Variants in SLC52A3 observed in about 807,000 individuals in gnomAD.
The protein encoded by SLC52A3 is solute carrier family 52, riboflavin transporter, member 3.
SLC52A3 carries 20 observed loss-of-function variants against 29.5 expected under a neutral mutation model. The ratio of observed to expected loss-of-function variants is 0.68; its 90% CI spans 0.48 to 0.99. The LOEUF is 0.99. Among genes scored for constraint, SLC52A3 ranks in the 50% least tolerant of loss-of-function variants. The pLI, the probability that SLC52A3 is intolerant of heterozygous loss-of-function variation, is 0.00. For synonymous variants in SLC52A3, 301 were observed against 271.0 expected (o/e 1.11, Z -1.09); for missense variants, 548 against 612.9 (o/e 0.89, Z 1.12).
At chr20:761,412 G>C (rs1470537541) in intron 4 of SLC52A3, 174 bp from the exon 5 acceptor site, 2 of 813,930 alleles carry the variant, frequency 2.5e-6, no homozygotes, top group African/African-American at 3.5e-5. Context: ...CCGCCCGGGG[G>C]CGAAGGAGAA....
chr20:777,890 A>T (rs143541356), upstream of SLC52A3, among the ~76,000 whole-genome samples: 1 of 152,212 alleles, frequency 6.6e-6, no homozygotes, highest in Admixed American at 6.5e-5. Context: ...CTGCAGACAC[A>T]GGAGTAGCTC....
At chr20:774,834 C>T (rs538117967) in intron 1 of SLC52A3, among the ~76,000 whole-genome samples, 2 of 152,336 alleles carry the variant, frequency 1.3e-5, no homozygotes, top group African/African-American at 2.4e-5. Context: ...AGTGCTTCCC[C>T]GAACCCTGCC....
intron 4 of SLC52A3, chr20:761,466 G>C (rs1317097842): frequency 4.1e-6 from 3 of 737,770 alleles, no homozygotes; most frequent in Non-Finnish European, 6.5e-6. Flanking sequence ...TCAGGGCAAG[G>C]GCCCTTGAGA....
intron 3 of SLC52A3, 56 bp downstream of exon 3, chr20:763,442 G>C: frequency 1.9e-6 from 3 of 1,610,472 alleles, no homozygotes; most frequent in Middle Eastern, 1.7e-4. Context: ...GGAATTCTGG[G>C]TTCTGAAATG....
At chr20:762,189 C>T (rs935849399) in intron 3 of SLC52A3, among the ~76,000 whole-genome samples, 9 of 152,298 alleles carry the variant, frequency 5.9e-5, no homozygotes, top group Middle Eastern at 3.4e-3. Context: ...GGCCTGGCGC[C>T]GCTGTGGGCC....
upstream of SLC52A3, among the ~76,000 whole-genome samples, chr20:770,037 G>C (rs1388785748): frequency 2.0e-5 from 3 of 152,188 alleles, no homozygotes; most frequent in South Asian, 6.2e-4. This position sits in a 1 kb window ranked among gnomAD's most constrained non-coding sequence, Gnocchi z 4.5. Context: ...ATGCGACTTT[G>C]AGTAGTCTCC....
chr20:768,319 TAG>T lies in SLC52A3; in HGVS notation c.-76_-75del. 1 of 152,332 alleles carries T rather than the reference TAG, an allele frequency of 6.6e-6. No homozygotes were observed. The highest frequency in any genetic ancestry group is 1.5e-5 in the Non-Finnish European group (1 of 68,040). The allele number at this position is 152,332 out of a possible 1,614,324, so 9.4% of individuals were successfully genotyped here. ...CACCAGTGGTATATGCACCTTTTTG[TAG>T]AGACACGCTAACTGGGCCAATCTTC... On this transcript the variant is annotated 5_prime_UTR_variant, in exon 1 of 5. Transcript: ENST00000645534.
chr20:772,588 T>TG (rs1491372505), upstream of SLC52A3, among the ~76,000 whole-genome samples: 2 of 17,916 alleles, frequency 1.1e-4, no homozygotes, highest in Non-Finnish European at 3.4e-4. Context: ...GTATTTTCTG[T>TG]TTTTTTTTTT....
At chr20:779,320 C>T (rs1002611430), upstream of SLC52A3, among the ~76,000 whole-genome samples, 3 of 152,112 alleles carry the variant, frequency 2.0e-5, no homozygotes, top group Admixed American at 2.0e-4. Flanking sequence ...AAATGTTGTA[C>T]AGTTTAAAAG....
rs150452738 is a variant in SLC52A3, at chr20:774,137, C to G, written c.-238+1818G>C. Among the ~76,000 whole-genome samples, 8 of 152,364 alleles carry G rather than the reference C, an allele frequency of 5.3e-5. No homozygotes were observed. In the East Asian group the frequency reaches 1.5e-3, roughly 29 times the overall value. On this transcript the variant is annotated intron_variant, in intron 1 of 5. Coordinates refer to the SLC52A3 transcript ENST00000217254. The stretch of plus-strand genomic sequence containing the variant: ...GCCACGGGCTGGGCCACCTGAGCTC[C>G]TGGCACCATGGCTGGGTTCTCGCTC...
chr20:765,415 G>A lies in SLC52A3; in HGVS notation c.360C>T (p.Cys120=). The change falls in exon 2 of 5, where the codon TGC becomes TGT. Residue 120 remains cysteine (C), a synonymous_variant. Coordinates refer to ENST00000645534, the MANE Select transcript of SLC52A3 (RefSeq NM_033409.4). The surrounding 1 kb of genome is among the most constrained non-coding windows in gnomAD (Gnocchi z 6.6). Reference sequence around the variant, plus strand: ...ACGGCAGGAAGGTCACTGAAGAGGTGCAGTCCACCAGGGCCAGGAAGAAGG... The same window carrying A: ...ACGGCAGGAAGGTCACTGAAGAGGTACAGTCCACCAGGGCCAGGAAGAAGG... ...VLTFFLALVD[C]TSSVTFLPFM... The A allele has an allele frequency of 6.2e-7, 1 of 1,613,924 alleles. No individual in the cohort carries two copies. Among genetic ancestry groups the A allele is most frequent in the Admixed American group, 1.7e-5 (1 of 59,986 alleles).
intron 4 of SLC52A3, 130 bp downstream of exon 4, chr20:761,571 C>T (rs1404285902): frequency 3.5e-6 from 5 of 1,418,278 alleles, no homozygotes; most frequent in Non-Finnish European, 3.9e-6. Flanking sequence ...GGGCGCTTCC[C>T]CCACCTGGGG....
chr20:776,352 G>A (rs1258672847), upstream of SLC52A3, among the ~76,000 whole-genome samples: 2 of 152,136 alleles, frequency 1.3e-5, no homozygotes, highest in African/African-American at 2.4e-5. Flanking sequence ...TGGAAAGCGG[G>A]GATAATAATA....
In SLC52A3 at chr20:760,851, A is replaced by G. The variant is rs1012667997; in HGVS notation, c.*175T>C. 19 of 640,730 alleles carry G rather than the reference A, an allele frequency of 3.0e-5. No homozygotes were observed. Among genetic ancestry groups the G allele is most frequent in the Non-Finnish European group, 4.6e-5 (17 of 368,396 alleles). The allele number at this position is 640,730 out of a possible 1,614,324, so 39.7% of individuals were successfully genotyped here. ...GGTAGTGTGACACAGAGTTGGGGAT[A>G]GAGCCGCACCTTGCATTTCCAGGTG... On this transcript the variant is annotated 3_prime_UTR_variant, in exon 5 of 5. Transcript: ENST00000645534. This position sits in a 1 kb window ranked among gnomAD's most constrained non-coding sequence, Gnocchi z 4.9.
At position 763,524 on chromosome 20, in the gene SLC52A3, C is replaced by G. The variant is rs147369439; in HGVS notation, c.1047G>C (p.Ser349=). ...TGTTAGGCAGGAACATGGAGACCAACGAGGCAAGAGGGTTGGCCACAATGC... is the reference window on the plus strand; with the variant it reads ...TGTTAGGCAGGAACATGGAGACCAAGGAGGCAAGAGGGTTGGCCACAATGC... ...TLSIVANPLA[S]LVSMFLPNRS... The change falls in exon 3 of 5, where the codon TCG becomes TCC. Residue 349 remains serine, a synonymous_variant. Coordinates refer to ENST00000645534, the MANE Select transcript of SLC52A3 (RefSeq NM_033409.4). 3.1e-6 allele frequency: 5 copies of G among 1,613,918 alleles called. No homozygotes were observed. In the African/African-American group the frequency reaches 4.0e-5, roughly 13 times the overall value.
upstream of SLC52A3, chr20:776,056 G>A (rs1235437985): frequency 1.3e-5 from 2 of 152,432 alleles, no homozygotes; most frequent in African/African-American, 4.8e-5. Flanking sequence ...GGCAGGCGGA[G>A]GGTGGGTGTG....
chr20:772,914 C>T (rs1365910715), upstream of SLC52A3, among the ~76,000 whole-genome samples: 2 of 152,156 alleles, frequency 1.3e-5, no homozygotes, highest in African/African-American at 4.8e-5. Context: ...TGAAAAGGCC[C>T]TGGGGTGCGG....
At chr20:777,193 G>A (rs1238566587), upstream of SLC52A3, among the ~76,000 whole-genome samples, 1 of 151,756 alleles carries the variant, frequency 6.6e-6, no homozygotes, top group East Asian at 1.9e-4. Flanking sequence ...CCGAGATCGC[G>A]CCGTTGCACT....
At position 763,818 on chromosome 20, in the gene SLC52A3, G is replaced by T; in HGVS notation, c.753C>A (p.Ser251=). Residue 251 remains serine (S), a synonymous_variant, in exon 3 of 5, where the codon TCC becomes TCA. Coordinates refer to ENST00000645534, the MANE Select transcript of SLC52A3 (RefSeq NM_033409.4). ...LQRQPRCWEA[S]VEDLLNDQVT... ...CCTGGTCATTGAGGAGGTCTTCCAC[G>T]GAAGCCTCCCAGCACCTGGGTTGAC... is the stretch of plus-strand genomic sequence containing the variant. 1 of 1,614,092 alleles carries T rather than the reference G, an allele frequency of 6.2e-7. No homozygotes were observed. The highest frequency in any genetic ancestry group is 8.5e-7 in the Non-Finnish European group (1 of 1,179,982).
Sources: gnomAD v4.1 joint callset for allele counts (sites outside exome capture counted in the v4.1 genomes callset) on GRCh38, gnomAD v4.1.1 for gene constraint, Gnocchi (gnomAD v3.1) non-coding constraint, MANE v1.5 for transcripts, NCBI Gene and HGNC (gene_info 2026-07-23, HGNC 2026-07-21) for gene names.